Variants in CD3G observed in about 807,000 individuals in gnomAD.
CD3G encodes the protein CD3 gamma subunit of T-cell receptor complex.
A neutral mutation model predicts 28.3 loss-of-function variants in CD3G; 24 were observed. The observed-to-expected ratio is 0.85, with a 90% CI of 0.61 to 1.19. The LOEUF is 1.19. Ranked by LOEUF, CD3G falls within the 50% of genes most tolerant of loss-of-function variation. The pLI is 0.00. For missense variants in CD3G, 211 were observed against 210.0 expected, an observed-to-expected ratio of 1.00 and a Z score of -0.03; for synonymous variants, 71 against 75.9, an observed-to-expected ratio of 0.93 and a Z score of 0.34.
chr11:118,349,128 A>G, intron 2 of CD3G, 78 bp downstream of exon 2: 2 of 1,613,584 alleles, frequency 1.2e-6, no homozygotes, highest in Non-Finnish European at 1.7e-6. Context: ...GTAGTCCTAC[A>G]GGAGCGAACA....
At chr11:118,347,597 C>T (rs978751013) in intron 1 of CD3G, among the ~76,000 whole-genome samples, 1 of 152,080 alleles carries the variant, frequency 6.6e-6, no homozygotes. Flanking sequence ...GTCTACCATG[C>T]AACTCTACTA....
rs1302779563 is a variant in CD3G, at chr11:118,354,923, T to C, written c.*1823T>C. On this transcript the variant is annotated 3_prime_UTR_variant, in exon 7 of 7. Coordinates refer to ENST00000532917, the MANE Select transcript of CD3G (RefSeq NM_000073.3). Reference sequence around the variant, plus strand: ...CTGTGGTTTGTTTTTCTTAATGGTGTCTTTTGAAGTGCAAAAGGTTTGAAT... The same window carrying C: ...CTGTGGTTTGTTTTTCTTAATGGTGCCTTTTGAAGTGCAAAAGGTTTGAAT... 1.3e-5 allele frequency: 2 copies of C among 152,216 alleles called. No homozygotes were observed. The highest frequency in any genetic ancestry group is 2.9e-5 in the Non-Finnish European group (2 of 68,022). The allele number at this position is 152,216 out of a possible 1,614,324, so 9.4% of individuals were successfully genotyped here.
chr11:118,352,215 CA>C (rs564372344), intron 5 of CD3G, among the ~76,000 whole-genome samples, 188 bp from the exon 6 acceptor site: 2,017 of 133,116 alleles, frequency 0.015, 47 homozygotes, highest in African/African-American at 0.048. Flanking sequence ...GACTCCGTCT[CA>C]AAAAAAAAAA....
In CD3G at chr11:118,353,974, A is replaced by T. The variant is rs1948430586; in HGVS notation, c.*874A>T. 6.6e-6 allele frequency: 1 copy of T among 152,226 alleles called. No homozygotes were observed. Among genetic ancestry groups the T allele is most frequent in the African/African-American group, 2.4e-5 (1 of 41,472 alleles). The allele number at this position is 152,226 out of a possible 1,614,324, so 9.4% of individuals were successfully genotyped here. A position where few individuals can be genotyped will look rare whatever the true frequency, so the allele number is the denominator to read the frequency against. On this transcript the variant is annotated 3_prime_UTR_variant, in exon 7 of 7. Transcript: ENST00000532917. The stretch of plus-strand genomic sequence containing the variant: ...TCTTGTGAGATTATTGCATACCATT[A>T]TATGAAGATACCATTATATCCTTTT...
intron 2 of CD3G, 184 bp downstream of exon 2, chr11:118,349,234 G>A (rs1412623763): frequency 1.3e-6 from 2 of 1,531,378 alleles, no homozygotes; most frequent in Non-Finnish European, 1.8e-6. Flanking sequence ...CAGCTTGCCT[G>A]TAGCTAAGCA....
intron 3 of CD3G, 78 bp downstream of exon 3, chr11:118,350,048 A>G: frequency 1.8e-6 from 2 of 1,103,630 alleles, no homozygotes; most frequent in Non-Finnish European, 2.8e-6. Context: ...ATCTGGGGTG[A>G]AAGTGGAAAT....
chr11:118,351,862 G>A (rs1948412656), intron 5 of CD3G, among the ~76,000 whole-genome samples, 191 bp downstream of exon 5: 1 of 151,980 alleles, frequency 6.6e-6, no homozygotes, highest in Non-Finnish European at 1.5e-5. Flanking sequence ...TCAGGATCTA[G>A]TGAGCACAAG....
At position 118,354,242 on chromosome 11, in the gene CD3G, C is replaced by CTAAATT. The variant is rs1948432184; in HGVS notation, c.*1142_*1143insTAAATT. The CTAAATT allele has an allele frequency of 6.6e-6, 1 of 151,936 alleles. No individual in the cohort carries two copies. Among genetic ancestry groups the CTAAATT allele is most frequent in the African/African-American group, 2.4e-5 (1 of 41,362 alleles). The allele number at this position is 151,936 out of a possible 1,614,324, so 9.4% of individuals were successfully genotyped here. Reference sequence around the variant, plus strand: ...TTTTTAGTAAATTTAACTAATTGTACAGCCATTACCATAATCCAGCTTTAG... The same window carrying CTAAATT: ...TTTTTAGTAAATTTAACTAATTGTACTAAATTAGCCATTACCATAATCCAGCTTTAG... On this transcript the variant is annotated 3_prime_UTR_variant, in exon 7 of 7. Coordinates refer to ENST00000532917, the MANE Select transcript of CD3G (RefSeq NM_000073.3).
intron 3 of CD3G, 68 bp downstream of exon 3, chr11:118,350,038 A>T: frequency 8.3e-7 from 1 of 1,209,446 alleles, no homozygotes. Flanking sequence ...TGAGCTTTTT[A>T]TCTGGGGTGA....
At chr11:118,351,112 C>T (rs1222601759) in intron 4 of CD3G, among the ~76,000 whole-genome samples, 1 of 139,178 alleles carries the variant, frequency 7.2e-6, no homozygotes, top group South Asian at 2.4e-4. Context: ...GGCATGAACC[C>T]GGGAGGCGGA....
At chr11:118,351,462 G>T (rs564415525) in intron 4 of CD3G, among the ~76,000 whole-genome samples, 166 bp from the exon 5 acceptor site, 43 of 152,240 alleles carry the variant, frequency 2.8e-4, no homozygotes, top group African/African-American at 9.9e-4. Context: ...CATATACTAA[G>T]TATTCTTGTG....
Position 118,354,271 on chromosome 11 carries a change from ATTTTCTTTT to A in CD3G, c.*1181_*1189del, listed in dbSNP as rs1364266261. On this transcript the variant is annotated 3_prime_UTR_variant, in exon 7 of 7. Coordinates refer to ENST00000532917, the MANE Select transcript of CD3G (RefSeq NM_000073.3). ...CATTACCATAATCCAGCTTTAGGAC[ATTTTCTTTT>A]TTTTCTTTTCTTTTCTTTTTTTTCT... is the stretch of plus-strand genomic sequence containing the variant. 2.8e-5 allele frequency: 4 copies of A among 143,184 alleles called. No individual in the cohort carries two copies. The highest frequency in any genetic ancestry group is 6.2e-5 in the Non-Finnish European group (4 of 64,650). The allele number at this position is 143,184 out of a possible 1,614,324, so 8.9% of individuals were successfully genotyped here. A position where few individuals can be genotyped will look rare whatever the true frequency, so the allele number is the denominator to read the frequency against.
In CD3G at chr11:118,351,638, G is replaced by T. The variant is rs202078977; in HGVS notation, c.450G>T (p.Lys150Asn). 1 of 1,613,868 alleles carries T rather than the reference G, an allele frequency of 6.2e-7. No individual in the cohort carries two copies. Among genetic ancestry groups the T allele is most frequent in the South Asian group, 1.1e-5 (1 of 91,086 alleles). Residue 150 changes from lysine to asparagine, a missense_variant, in exon 5 of 7, where the codon AAG (lysine) becomes AAT (asparagine). Coordinates refer to ENST00000532917, the MANE Select transcript of CD3G (RefSeq NM_000073.3). ...DGVRQSRASD[K>N]QTLLPNDQLY... ...TTCTTTTTTGTGCAGCTTCAGACAAGCAGACTCTGTTGCCCAATGACCAGC... is the reference window on the plus strand; with the variant it reads ...TTCTTTTTTGTGCAGCTTCAGACAATCAGACTCTGTTGCCCAATGACCAGC...
In CD3G at chr11:118,355,087, C is replaced by T. The variant is rs755999143; in HGVS notation, c.*1987C>T. The stretch of plus-strand genomic sequence containing the variant: ...ACTTTTTACAGCTTTATGGTTTTAG[C>T]TCTAACAATAAATGTGATTTTGAAC... On this transcript the variant is annotated 3_prime_UTR_variant, in exon 7 of 7. Transcript: ENST00000532917. 7.2e-5 allele frequency: 11 copies of T among 151,880 alleles called. No homozygotes were observed. Among genetic ancestry groups the T allele is most frequent in the Admixed American group, 1.3e-4 (2 of 15,242 alleles). The allele number at this position is 151,880 out of a possible 1,614,324, so 9.4% of individuals were successfully genotyped here.
In CD3G at chr11:118,350,889, G is replaced by GAAAAAAAAA. The variant is rs372079196; in HGVS notation, c.439+212_439+220dup. On this transcript the variant is annotated intron_variant, in intron 4 of 6. Coordinates refer to ENST00000532917, the MANE Select transcript of CD3G (RefSeq NM_000073.3). ...TGTCTCAAGATACAGCTCCCTCTGT[G>GAAAAAAAAA]AAAAAAAAAAAAAACAAAAACAGGC... The GAAAAAAAAA allele has an allele frequency of 3.8e-4, 241 of 632,290 alleles. 12 individuals carry two copies. The African/African-American group carries it at 4.2e-3, about 11-fold the overall frequency. The allele number at this position is 632,290 out of a possible 1,614,324, so 39.2% of individuals were successfully genotyped here.
intron 2 of CD3G, chr11:118,349,462 C>T (rs757377088): frequency 1.1e-4 from 68 of 612,926 alleles, no homozygotes; most frequent in Non-Finnish European, 1.7e-4. Flanking sequence ...AATAACATGC[C>T]CCAAAATCCC....
chr11:118,344,586 G>A (rs1948338258), intron 1 of CD3G, 108 bp downstream of exon 1: 2 of 971,358 alleles, frequency 2.1e-6, no homozygotes. Flanking sequence ...TACCTCTGCT[G>A]TCACCTTAGA....
intron 2 of CD3G, 134 bp downstream of exon 2, chr11:118,349,184 T>C: frequency 6.2e-7 from 1 of 1,602,620 alleles, no homozygotes; most frequent in Non-Finnish European, 8.5e-7. Flanking sequence ...GATGTCTCTA[T>C]TGTCAACCAA....
In CD3G at chr11:118,350,901, AAAC is replaced by A. The variant is rs1297285764; in HGVS notation, c.439+221_439+223del. 2,347 of 1,191,164 alleles carry A rather than the reference AAAC, an allele frequency of 2.0e-3. 43 individuals are homozygous for A. Among genetic ancestry groups the A allele is most frequent in the South Asian group, 5.3e-3 (295 of 55,906 alleles). The allele number at this position is 1,191,164 out of a possible 1,614,324, so 73.8% of individuals were successfully genotyped here. A position where few individuals can be genotyped will look rare whatever the true frequency, so the allele number is the denominator to read the frequency against. ...CAGCTCCCTCTGTGAAAAAAAAAAA[AAAC>A]AAAAACAGGCGCAGTGGCTCACGCC... is the stretch of plus-strand genomic sequence containing the variant. On this transcript the variant is annotated intron_variant, in intron 4 of 6. Coordinates refer to ENST00000532917, the MANE Select transcript of CD3G (RefSeq NM_000073.3).
Sources: allele counts gnomAD v4.1 joint callset (sites outside exome capture counted in the v4.1 genomes callset), GRCh38; gene constraint gnomAD v4.1.1; transcripts MANE v1.5; gene names NCBI Gene and HGNC (gene_info 2026-07-23, HGNC 2026-07-21).